The following CHD1L variants were observed in gnomAD, a reference collection of about 807,000 sequenced individuals.
The protein encoded by CHD1L is ATP-dependent chromatin remodeler CHD1L.
Under a neutral mutation model 115.9 loss-of-function variants are expected in CHD1L, and 118 were observed. The ratio of observed to expected loss-of-function variants is 1.02; its 90% CI spans 0.88 to 1.19. The LOEUF is 1.19. Among genes scored for constraint, CHD1L ranks in the 50% most tolerant of loss-of-function variants. The pLI, the probability that CHD1L is intolerant of heterozygous loss-of-function variation, is 0.00. For missense variants in CHD1L, 1,179 were observed against 1,065.3 expected (o/e 1.11, Z -1.49); for synonymous variants, 411 against 387.1 (o/e 1.06, Z -0.72).
At chr1:147,266,709 G>T (rs1674064695) in intron 8 of CHD1L, among the ~76,000 whole-genome samples, 1 of 152,058 alleles carries the variant, frequency 6.6e-6, no homozygotes. Context: ...CCTGCATTTT[G>T]GATATTCTAA....
chr1:147,286,420 C>G lies in CHD1L; in HGVS notation c.2141C>G (p.Ala714Gly). 1 of 1,614,176 alleles carries G rather than the reference C, an allele frequency of 6.2e-7. No homozygotes were observed. Among genetic ancestry groups the G allele is most frequent in the South Asian group, 1.1e-5 (1 of 91,090 alleles). ...GAGCTGGATTACCAAGACCCAGATG[C>G]TACTTCCCTCAAGTACGTTAGTGGT... ...SAELDYQDPD[A>G]TSLKYVSGDV... is the part of the protein sequence containing the mutation. Residue 714 changes from alanine (A) to glycine (G), a missense_variant, in exon 18 of 23, where the codon GCT becomes GGT. Physicochemically the swap from Ala to Gly is moderately conservative, Grantham distance 60. Coordinates refer to ENST00000369258, the MANE Select transcript of CHD1L (RefSeq NM_004284.6).
At position 147,267,497 on chromosome 1, in the gene CHD1L, G is replaced by T. The variant is rs2102597202; in HGVS notation, c.967G>T (p.Asp323Tyr). ...TTTGTCCCAGCTTCGAAAGTGTGTG[G>T]ATCACCCATATTTGTTTGATGGTGA... ...NILSQLRKCV[D>Y]HPYLFDGVEP... is the part of the protein sequence containing the mutation. Residue 323 changes from aspartate to tyrosine, a missense_variant, in exon 9 of 23, where the codon GAT becomes TAT. Asp to Tyr is a radical substitution (Grantham distance 160). Coordinates refer to ENST00000369258, the MANE Select transcript of CHD1L (RefSeq NM_004284.6). 6.2e-7 allele frequency: 1 copy of T among 1,611,644 alleles called. No homozygotes were observed. Among genetic ancestry groups the T allele is most frequent in the Non-Finnish European group, 8.5e-7 (1 of 1,178,730 alleles).
At chr1:147,186,532 C>A in the CHD1L span, 2 of 999,848 alleles carry the variant, frequency 2.0e-6, no homozygotes, top group South Asian at 4.6e-5. Flanking sequence ...GTGGAGTAAG[C>A]GATTTTATAC....
intron 1 of CHD1L, among the ~76,000 whole-genome samples, chr1:147,244,099 A>G (rs1665821380): frequency 6.6e-6 from 1 of 152,208 alleles, no homozygotes; most frequent in African/African-American, 2.4e-5. Context: ...ACGAAAGTTT[A>G]TGTTTGTGGG....
At chr1:147,249,367 GTT>G (rs1667645565) in intron 1 of CHD1L, among the ~76,000 whole-genome samples, 1 of 108,722 alleles carries the variant, frequency 9.2e-6, no homozygotes, top group African/African-American at 3.6e-5. Flanking sequence ...TTTGTCTTTT[GTT>G]TTCAGCATTT....
At chr1:147,187,087 T>C in the CHD1L span, 10 of 1,613,952 alleles carry the variant, frequency 6.2e-6, no homozygotes, top group Admixed American at 8.3e-5. Context: ...TACACGATAG[T>C]GGATTGGAGT....
At chr1:147,261,072 G>C (rs1671754928) in intron 6 of CHD1L, 1 of 152,178 alleles carries the variant, frequency 6.6e-6, no homozygotes, top group Admixed American at 6.5e-5. Context: ...AGTTTTTAGA[G>C]TCTTAATGTA....
At chr1:147,190,135 A>G in the CHD1L span, 2 of 1,278,476 alleles carry the variant, frequency 1.6e-6, no homozygotes, top group Non-Finnish European at 2.3e-6. Context: ...TTAAGAAATA[A>G]GTAGAAATGT....
At chr1:147,198,172 G>A in the CHD1L span, among the ~76,000 whole-genome samples, 1 of 152,160 alleles carries the variant, frequency 6.6e-6, no homozygotes. Flanking sequence ...ATTGGCTAAG[G>A]TAGCCCATAA....
In CHD1L at chr1:147,259,805, A is replaced by C; in HGVS notation, c.495-32A>C. 3 of 1,574,786 alleles carry C rather than the reference A, an allele frequency of 1.9e-6. No individual in the cohort carries two copies. The East Asian group carries it at 6.7e-5, about 35-fold the overall frequency. On this transcript the variant is annotated intron_variant, in intron 5 of 22. Coordinates refer to ENST00000369258, the MANE Select transcript of CHD1L (RefSeq NM_004284.6). The stretch of plus-strand genomic sequence containing the variant: ...ATTGTGAAATATGTGTTTAAATTAC[A>C]CAAAACTGAAAGCTTGGGTTTTCTC...
chr1:147,260,720 A>G (rs1372846104), intron 6 of CHD1L: 1 of 152,184 alleles, frequency 6.6e-6, no homozygotes, highest in Non-Finnish European at 1.5e-5. Flanking sequence ...ATTACATGCT[A>G]TTGAATATTA....
intron 18 of CHD1L, 129 bp from the exon 19 acceptor site, chr1:147,287,506 A>T (rs1195769110): frequency 1.6e-6 from 1 of 625,644 alleles, no homozygotes; most frequent in Non-Finnish European, 2.8e-6. Flanking sequence ...TTCCTAGGAG[A>T]TAAGATATTT....
At position 147,287,714 on chromosome 1, in the gene CHD1L, G is replaced by A; in HGVS notation, c.2301G>A (p.Glu767=). ...CCGCTGAGCCAAGAAAAATATATGAGCTGGCTGGGAAAATGAAAGGTAAGA... is the reference window on the plus strand; with the variant it reads ...CCGCTGAGCCAAGAAAAATATATGAACTGGCTGGGAAAATGAAAGGTAAGA... ...KRSAEPRKIY[E]LAGKMKDLSL... The change falls in exon 19 of 23, where the codon GAG becomes GAA. Residue 767 remains glutamate, a synonymous_variant. Transcript: ENST00000369258. 1.2e-6 allele frequency: 2 copies of A among 1,613,968 alleles called. No individual in the cohort carries two copies. The highest frequency in any genetic ancestry group is 1.7e-6 in the Non-Finnish European group (2 of 1,179,980).
intron 15 of CHD1L, 31 bp from the exon 16 acceptor site, chr1:147,284,320 A>T (rs879987384): frequency 1.3e-6 from 2 of 1,510,334 alleles, no homozygotes; most frequent in South Asian, 1.3e-5. Context: ...TTGGTATCTA[A>T]CATTTCTCTC....
chr1:147,215,644 C>T, the CHD1L span: 6 of 744,794 alleles, frequency 8.1e-6, no homozygotes, highest in African/African-American at 5.4e-5. Context: ...AGGATAAATA[C>T]ATGTGCAAAT....
At chr1:147,186,232 A>G in the CHD1L span, 1 of 734,750 alleles carries the variant, frequency 1.4e-6, no homozygotes, top group African/African-American at 1.9e-5. Flanking sequence ...CAGATGGTAG[A>G]TGATCTGAAT....
rs17360443 is a variant in CHD1L at position 147,279,737 on chromosome 1, C to A, written c.1540-289C>A. On this transcript the variant is annotated intron_variant, in intron 14 of 22. Coordinates refer to ENST00000369258, the MANE Select transcript of CHD1L (RefSeq NM_004284.6). ...GTGCTGTAGAAAATGCAGGAAGTTA[C>A]TATTATTCTTCAAAAAAATTGGAGG... Among the ~76,000 whole-genome samples the A allele has an allele frequency of 0.18, 27,011 of 152,012 alleles. 3,056 individuals carry two copies. Among genetic ancestry groups the A allele is most frequent in the Middle Eastern group, 0.26 (77 of 294 alleles).
chr1:147,238,987 G>T (rs1368381593), upstream of CHD1L, among the ~76,000 whole-genome samples: 13 of 152,040 alleles, frequency 8.6e-5, no homozygotes, highest in Non-Finnish European at 1.3e-4. Flanking sequence ...GAACATCCAA[G>T]AATTCAATTA....
chr1:147,264,759 G>A (rs74121850), intron 7 of CHD1L, among the ~76,000 whole-genome samples, 175 bp downstream of exon 7: 2,993 of 152,266 alleles, frequency 0.02, 79 homozygotes, highest in African/African-American at 0.068. Flanking sequence ...CCAGTTGTCT[G>A]CTGTTCATGC....
Sources: allele counts gnomAD v4.1 joint callset (sites outside exome capture counted in the v4.1 genomes callset), GRCh38; gene constraint gnomAD v4.1.1; transcripts MANE v1.5; gene names NCBI Gene and HGNC (gene_info 2026-07-23, HGNC 2026-07-21).